The following SH3RF1 variants were observed in gnomAD, a reference collection of about 807,000 sequenced individuals.
SH3RF1 encodes SH3 domain containing ring finger 1.
A neutral mutation model predicts 74.0 loss-of-function variants in SH3RF1; 32 were observed. The observed-to-expected ratio is 0.43, with a 90% CI of 0.33 to 0.58. The LOEUF (loss-of-function observed/expected upper bound fraction) is 0.58. Among genes scored for constraint, SH3RF1 ranks in the 20% least tolerant of loss-of-function variants. The pLI is 0.05. For missense variants in SH3RF1, 954 were observed against 1,130.9 expected, an observed-to-expected ratio of 0.84 and a Z score of 2.24; for synonymous variants, 396 against 439.6, an observed-to-expected ratio of 0.90 and a Z score of 1.24.
At position 169,136,401 on chromosome 4, in the gene SH3RF1, G is replaced by C. The variant is rs1335832442; in HGVS notation, c.985C>G (p.Pro329Ala). 3.1e-6 allele frequency: 5 copies of C among 1,605,002 alleles called. No individual in the cohort carries two copies. Among genetic ancestry groups the C allele is most frequent in the African/African-American group, 1.3e-5 (1 of 74,640 alleles). The change falls in exon 5 of 12, where the codon CCT becomes GCT. Residue 329 changes from proline (P) to alanine (A), a missense_variant. By Grantham distance (27) the Pro-to-Ala change is conservative. Coordinates refer to ENST00000284637, the MANE Select transcript of SH3RF1 (RefSeq NM_020870.4). ...GGGTTGCTGGAGCTGATGAGGACAG[G>C]GGGGCTGATCTCCATGGAGTGGCGG... ...QNRHSMEISP[P>A]VLISSSNPTA...
chr4:169,106,774 T>C (rs949710032), intron 11 of SH3RF1, 73 bp downstream of exon 11: 95 of 1,225,650 alleles, frequency 7.8e-5, no homozygotes, highest in Non-Finnish European at 1.0e-4. Flanking sequence ...ACATCTTAAA[T>C]ATCACAATAA....
chr4:169,103,183 A>G (rs1733071861), intron 11 of SH3RF1, among the ~76,000 whole-genome samples: 1 of 137,538 alleles, frequency 7.3e-6, no homozygotes, highest in Non-Finnish European at 1.5e-5. Context: ...TGATCCACCC[A>G]CCTTGGCCTC....
At chr4:169,098,721 G>A (rs766858564) in intron 11 of SH3RF1, among the ~76,000 whole-genome samples, 21 of 152,182 alleles carry the variant, frequency 1.4e-4, no homozygotes, top group Non-Finnish European at 2.6e-4. Context: ...ATGACACAGC[G>A]GGAGAAACAC....
chr4:169,211,179 A>T (rs1446594276), intron 2 of SH3RF1, among the ~76,000 whole-genome samples: 1 of 152,190 alleles, frequency 6.6e-6, no homozygotes, highest in African/African-American at 2.4e-5. Flanking sequence ...CATTCTCCAA[A>T]GAAGAAACTA....
intron 2 of SH3RF1, among the ~76,000 whole-genome samples, chr4:169,203,030 A>G (rs953097017): frequency 6.6e-6 from 1 of 152,204 alleles, no homozygotes; most frequent in Admixed American, 6.5e-5. Flanking sequence ...TATGGTAAGC[A>G]TGGAAGGGCT....
chr4:169,270,705 T>A (rs534134479), intron 1 of SH3RF1, 154 bp downstream of exon 1: 2 of 152,158 alleles, frequency 1.3e-5, no homozygotes, highest in East Asian at 3.9e-4. Flanking sequence ...CTTCCGCAGG[T>A]CCTGATTCCC....
At chr4:169,153,732 TAGAC>T (rs907068430) in intron 4 of SH3RF1, among the ~76,000 whole-genome samples, 1 of 152,194 alleles carries the variant, frequency 6.6e-6, no homozygotes, top group African/African-American at 2.4e-5. Context: ...CTCCTAAAGA[TAGAC>T]AGCTTGTTTA....
At chr4:169,234,119 T>C (rs947946556) in intron 2 of SH3RF1, among the ~76,000 whole-genome samples, 3 of 152,146 alleles carry the variant, frequency 2.0e-5, no homozygotes, top group African/African-American at 4.8e-5. Context: ...CAAATTATTC[T>C]AGAACAGTGG....
At chr4:169,216,992 ATTAC>A (rs1412580889) in intron 2 of SH3RF1, among the ~76,000 whole-genome samples, 28 of 90,460 alleles carry the variant, frequency 3.1e-4, no homozygotes, top group Non-Finnish European at 5.5e-4. Flanking sequence ...CTCTACAAAA[ATTAC>A]AAAAAAAAAA....
chr4:169,174,526 A>G (rs1453350456), intron 2 of SH3RF1, among the ~76,000 whole-genome samples: 1 of 152,148 alleles, frequency 6.6e-6, no homozygotes, highest in Non-Finnish European at 1.5e-5. Context: ...CTTTGAGTAA[A>G]AGGGGAATCC....
intron 11 of SH3RF1, among the ~76,000 whole-genome samples, chr4:169,102,780 G>A (rs777285159): frequency 6.6e-6 from 1 of 151,922 alleles, no homozygotes; most frequent in Non-Finnish European, 1.5e-5. Flanking sequence ...TTGTTCCTAA[G>A]AGAATTCTCT....
intron 8 of SH3RF1, among the ~76,000 whole-genome samples, chr4:169,119,055 T>C (rs190219128): frequency 3.3e-5 from 5 of 152,274 alleles, no homozygotes; most frequent in East Asian, 1.9e-4. Context: ...TTACCATGAA[T>C]GACAGAATTT....
At chr4:169,207,644 A>T (rs879489531) in intron 2 of SH3RF1, among the ~76,000 whole-genome samples, 4 of 152,184 alleles carry the variant, frequency 2.6e-5, no homozygotes, top group Non-Finnish European at 5.9e-5. Flanking sequence ...CTCATTCTTG[A>T]GGCAGTCCAG....
chr4:169,203,736 G>A (rs550544082), intron 2 of SH3RF1, among the ~76,000 whole-genome samples: 2 of 152,258 alleles, frequency 1.3e-5, no homozygotes, highest in East Asian at 3.9e-4. Context: ...AAATAACTGT[G>A]AAACGAATGA....
At chr4:169,124,384 A>G (rs1733491284) in intron 6 of SH3RF1, among the ~76,000 whole-genome samples, 2 of 152,226 alleles carry the variant, frequency 1.3e-5, no homozygotes, top group South Asian at 4.1e-4. Context: ...TTTGTAATAA[A>G]ATATAAAATC....
chr4:169,125,132 T>G (rs913432750), intron 6 of SH3RF1, among the ~76,000 whole-genome samples: 5 of 152,220 alleles, frequency 3.3e-5, no homozygotes, highest in Non-Finnish European at 5.9e-5. Context: ...CCAGGTTCTC[T>G]TCTCCTGACC....
Position 169,265,550 on chromosome 4 carries a change from T to A in SH3RF1, c.393+3270A>T, listed in dbSNP as rs531508954. Among the ~76,000 whole-genome samples, 5 of 152,322 alleles carry A rather than the reference T, an allele frequency of 3.3e-5. No homozygotes were observed. In the East Asian group the frequency reaches 9.6e-4, roughly 29 times the overall value. Reference sequence around the variant, plus strand: ...GTGCAAGGGTGCGATCTCAGCTCACTGTAAACTCTGCCTCCCAGGTTCAAG... The same window carrying A: ...GTGCAAGGGTGCGATCTCAGCTCACAGTAAACTCTGCCTCCCAGGTTCAAG... On this transcript the variant is annotated intron_variant, in intron 2 of 11. Transcript: ENST00000284637.
intron 2 of SH3RF1, among the ~76,000 whole-genome samples, chr4:169,181,756 C>T (rs1027164189): frequency 2.0e-5 from 3 of 152,148 alleles, no homozygotes; most frequent in Non-Finnish European, 4.4e-5. Context: ...TCCATTATCT[C>T]CTTTACTCCT....
chr4:169,210,499 C>T (rs1409365696), intron 2 of SH3RF1, among the ~76,000 whole-genome samples: 1 of 152,076 alleles, frequency 6.6e-6, no homozygotes, highest in Non-Finnish European at 1.5e-5. Context: ...GTGGTGTAAG[C>T]CTCTTTTAAA....
Sources: allele counts gnomAD v4.1 joint callset (sites outside exome capture counted in the v4.1 genomes callset), GRCh38; gene constraint gnomAD v4.1.1; transcripts MANE v1.5; gene names NCBI Gene and HGNC (gene_info 2026-07-23, HGNC 2026-07-21).